The following DTNB variants were observed in gnomAD, a reference collection of about 807,000 sequenced individuals.
DTNB encodes DTN-B.
Under a neutral mutation model 90.7 loss-of-function variants are expected in DTNB, and 63 were observed. That is an observed-to-expected ratio of 0.69 (90% CI 0.57 to 0.86). The LOEUF is 0.86. Among genes scored for constraint, DTNB ranks in the 40% least tolerant of loss-of-function variants. The pLI, the probability that DTNB is intolerant of heterozygous loss-of-function variation, is 0.00. For synonymous variants in DTNB, 277 were observed against 286.7 expected, an observed-to-expected ratio of 0.97 and a Z score of 0.34; for missense variants, 744 against 807.1, an observed-to-expected ratio of 0.92 and a Z score of 0.95.
At chr2:25,654,534 G>T (rs1239518801) in intron 1 of DTNB, among the ~76,000 whole-genome samples, 5 of 152,248 alleles carry the variant, frequency 3.3e-5, no homozygotes, top group South Asian at 2.1e-4. Flanking sequence ...GTAAACATTC[G>T]AAAACAGCCA....
chr2:25,646,697 T>A (rs2079537083), intron 2 of DTNB, among the ~76,000 whole-genome samples: 1 of 152,196 alleles, frequency 6.6e-6, no homozygotes, highest in African/African-American at 2.4e-5. Flanking sequence ...TCCCTTCAAG[T>A]TGTTCTGCCT....
intron 15 of DTNB, among the ~76,000 whole-genome samples, chr2:25,420,506 C>CTATA (rs1420666376): frequency 8.1e-6 from 1 of 123,004 alleles, no homozygotes; most frequent in East Asian, 2.0e-4. Flanking sequence ...ATCTATCTAT[C>CTATA]TATCTATCTA....
intron 10 of DTNB, among the ~76,000 whole-genome samples, chr2:25,462,925 G>A (rs993528648): frequency 2.0e-5 from 3 of 152,020 alleles, no homozygotes; most frequent in Admixed American, 6.6e-5. Context: ...GGATGGTCTC[G>A]ATCTGCTGAC....
At chr2:25,580,440 G>T (rs955771765) in intron 7 of DTNB, among the ~76,000 whole-genome samples, 6 of 151,340 alleles carry the variant, frequency 4.0e-5, no homozygotes, top group Admixed American at 3.3e-4. Flanking sequence ...AGAATTGCTT[G>T]AACTCGGAAG....
intron 10 of DTNB, among the ~76,000 whole-genome samples, chr2:25,462,508 T>C (rs2061122819): frequency 1.3e-5 from 2 of 152,322 alleles, no homozygotes; most frequent in East Asian, 1.9e-4. Flanking sequence ...AACTTCTCTA[T>C]GCTTAGTCCC....
At chr2:25,526,459 G>A (rs1385613913) in intron 9 of DTNB, among the ~76,000 whole-genome samples, 1 of 144,878 alleles carries the variant, frequency 6.9e-6, no homozygotes, top group East Asian at 2.0e-4. Context: ...GCAATGGCGC[G>A]ATCTCAGCTC....
intron 9 of DTNB, among the ~76,000 whole-genome samples, chr2:25,524,582 C>T (rs569307787): frequency 6.6e-6 from 1 of 152,102 alleles, no homozygotes; most frequent in Admixed American, 6.5e-5. Context: ...TCCTCTCCTC[C>T]CTAGGTACAC....
intron 6 of DTNB, chr2:25,594,839 G>T (rs944483191): frequency 2.6e-5 from 4 of 151,984 alleles, no homozygotes; most frequent in Admixed American, 2.6e-4. Context: ...AAATAATTAC[G>T]TACAAATATC....
chr2:25,559,336 C>A (rs2057890206), intron 8 of DTNB, among the ~76,000 whole-genome samples: 1 of 152,156 alleles, frequency 6.6e-6, no homozygotes, highest in African/African-American at 2.4e-5. Context: ...ACCTGGCATT[C>A]CCTGAAGGCT....
chr2:25,386,018 T>G, intron 18 of DTNB: 9 of 985,406 alleles, frequency 9.1e-6, no homozygotes, highest in Non-Finnish European at 1.1e-5. Flanking sequence ...GAAAGCGCCT[T>G]CTAATCACCT....
chr2:25,437,035 C>G (rs2056025670), intron 12 of DTNB, among the ~76,000 whole-genome samples: 1 of 152,054 alleles, frequency 6.6e-6, no homozygotes, highest in Non-Finnish European at 1.5e-5. Context: ...AACAGAGATT[C>G]CTAATCAGGT....
chr2:25,477,272 T>C (rs573293757), intron 10 of DTNB, among the ~76,000 whole-genome samples: 1 of 152,236 alleles, frequency 6.6e-6, no homozygotes, highest in Non-Finnish European at 1.5e-5. Context: ...TATAAGTCAC[T>C]TGATTACAAT....
chr2:25,542,255 T>C (rs1390326809), intron 8 of DTNB, among the ~76,000 whole-genome samples: 2 of 152,190 alleles, frequency 1.3e-5, no homozygotes, highest in African/African-American at 2.4e-5. Context: ...CCAGCTTAGA[T>C]GTTGGGTTTA....
intron 8 of DTNB, among the ~76,000 whole-genome samples, chr2:25,556,541 G>A (rs1166560807): frequency 6.6e-6 from 1 of 152,212 alleles, no homozygotes; most frequent in Non-Finnish European, 1.5e-5. Context: ...CGTTGATTAT[G>A]TGTAGCAGGT....
rs370096150 is a variant in DTNB, at chr2:25,613,922, C to T, written c.363-6601G>A. The stretch of plus-strand genomic sequence containing the variant: ...GCAGTGAGCTGAGATCATGCCACTG[C>T]ACTCCAGCCTGGGCGACACAGCAAG... On this transcript the variant is annotated intron_variant, in intron 4 of 20. Coordinates refer to ENST00000406818, the MANE Select transcript of DTNB (RefSeq NM_021907.5). 6.6e-5 allele frequency among the ~76,000 whole-genome samples: 10 copies of T among 152,306 alleles called. No homozygotes were observed. The South Asian group carries it at 1.0e-3, about 16-fold the overall frequency.
At chr2:25,662,155 CA>C (rs58702026) in intron 1 of DTNB, among the ~76,000 whole-genome samples, 110 of 131,470 alleles carry the variant, frequency 8.4e-4, no homozygotes, top group East Asian at 7.2e-3. Flanking sequence ...GACTCCGTCT[CA>C]AAAAAAAAAA....
chr2:25,527,363 A>G (rs1298524609), intron 9 of DTNB, among the ~76,000 whole-genome samples: 8 of 152,154 alleles, frequency 5.3e-5, no homozygotes, highest in Non-Finnish European at 1.2e-4. Context: ...TCTCTACCAA[A>G]ATTACAAAAA....
intron 7 of DTNB, among the ~76,000 whole-genome samples, chr2:25,579,968 T>C (rs1432572141): frequency 7.0e-6 from 1 of 142,540 alleles, no homozygotes; most frequent in Non-Finnish European, 1.5e-5. Context: ...ACTACTATAG[T>C]ATCCTTTCTT....
chr2:25,384,583 T>C lies in DTNB; in HGVS notation c.1826-694A>G, dbSNP rs1361220534. Among the ~76,000 whole-genome samples the C allele has an allele frequency of 2.6e-5, 4 of 151,878 alleles. 1 individual carries two copies. The highest frequency in any genetic ancestry group is 2.6e-4 in the Admixed American group (4 of 15,254). ...GAAAACCATGTCACGTTTGGAAAGG[T>C]TGAAGGAATTGGGTGTAGCAGTCTA... On this transcript the variant is annotated intron_variant, in intron 18 of 20. Transcript: ENST00000406818.
Sources: allele counts gnomAD v4.1 joint callset (sites outside exome capture counted in the v4.1 genomes callset), GRCh38; gene constraint gnomAD v4.1.1; transcripts MANE v1.5; gene names NCBI Gene and HGNC (gene_info 2026-07-23, HGNC 2026-07-21).